HMGCLL1: variants seen among roughly 807,000 people sequenced by gnomAD.
The protein encoded by HMGCLL1 is 3-hydroxymethyl-3-methylglutaryl-CoA lyase, cytoplasmic.
In HMGCLL1, 36 loss-of-function variants were observed where a neutral mutation model predicts 39.1. The ratio of observed to expected loss-of-function variants is 0.92; its 90% CI spans 0.71 to 1.22. The LOEUF is 1.22. Among genes scored for constraint, HMGCLL1 ranks in the 50% most tolerant of loss-of-function variants. The pLI is 0.00. For missense variants in HMGCLL1, 451 were observed against 416.5 expected (o/e 1.08, Z -0.72); for synonymous variants, 149 against 144.0 (o/e 1.03, Z -0.25).
intron 1 of HMGCLL1, among the ~76,000 whole-genome samples, chr6:55,559,715 T>C (rs1294106181): frequency 6.6e-6 from 1 of 152,160 alleles, no homozygotes; most frequent in East Asian, 1.9e-4. Flanking sequence ...TTCTTCGATG[T>C]GCAGAGATTG....
intron 1 of HMGCLL1, among the ~76,000 whole-genome samples, chr6:55,544,547 C>T (rs1769846245): frequency 6.6e-6 from 1 of 152,058 alleles, no homozygotes; most frequent in South Asian, 2.1e-4. Context: ...TCAAGCCAAC[C>T]AGTTTATACT....
rs759419234 is a variant in HMGCLL1 at position 55,514,082 on chromosome 6, TAAC to T, written c.505_507del (p.Val169del). ...GGAATATTCATGTGTCTTGCAGACT[TAAC>T]AACCTCCTCAAATTTTCCCATACTT... On this transcript the variant is annotated inframe_deletion, in exon 5 of 9. Transcript: ENST00000274901. The T allele has an allele frequency of 1.5e-5, 24 of 1,613,166 alleles. No homozygotes were observed. In the South Asian group the frequency reaches 2.4e-4, roughly 16 times the overall value.
the HMGCLL1 span, among the ~76,000 whole-genome samples, chr6:55,591,578 T>A: frequency 1.3e-5 from 2 of 151,908 alleles, no homozygotes; most frequent in South Asian, 2.1e-4. Context: ...TTTCCCTTTT[T>A]TTCCCCTTGG....
At chr6:55,532,084 G>A (rs1257005462) in intron 3 of HMGCLL1, among the ~76,000 whole-genome samples, 1 of 152,024 alleles carries the variant, frequency 6.6e-6, no homozygotes, top group African/African-American at 2.4e-5. Flanking sequence ...AAAGCCTGGG[G>A]ACCTCTGAAG....
At chr6:55,533,939 T>C (rs967147247) in intron 3 of HMGCLL1, among the ~76,000 whole-genome samples, 1 of 147,328 alleles carries the variant, frequency 6.8e-6, no homozygotes, top group Non-Finnish European at 1.5e-5. Flanking sequence ...CAGTACAGAG[T>C]TAGGACTTTG....
At chr6:55,657,800 T>C in the HMGCLL1 span, among the ~76,000 whole-genome samples, 2 of 151,748 alleles carry the variant, frequency 1.3e-5, no homozygotes, top group South Asian at 2.1e-4. Flanking sequence ...AGCAAACTAA[T>C]ACAGGAACAG....
At chr6:55,535,708 G>A (rs1237070138) in intron 3 of HMGCLL1, among the ~76,000 whole-genome samples, 3 of 152,086 alleles carry the variant, frequency 2.0e-5, no homozygotes, top group Non-Finnish European at 4.4e-5. Flanking sequence ...ATTTCACCAG[G>A]AACCTCTTTG....
At chr6:55,602,971 A>T in the HMGCLL1 span, among the ~76,000 whole-genome samples, 1 of 152,074 alleles carries the variant, frequency 6.6e-6, no homozygotes, top group South Asian at 2.1e-4. Context: ...GTGGTGCTTG[A>T]GAATTTGGTT....
intron 1 of HMGCLL1, among the ~76,000 whole-genome samples, chr6:55,542,948 G>A (rs1769554922): frequency 3.6e-5 from 4 of 112,518 alleles, no homozygotes; most frequent in African/African-American, 1.5e-4. Context: ...ATTTATAAGT[G>A]TATATAAATA....
intron 7 of HMGCLL1, among the ~76,000 whole-genome samples, chr6:55,441,627 C>G (rs991944579): frequency 6.6e-6 from 1 of 152,024 alleles, no homozygotes; most frequent in Non-Finnish European, 1.5e-5. Context: ...GTATCCTTAG[C>G]CTCCTATGGG....
At chr6:55,633,996 TA>T in the HMGCLL1 span, among the ~76,000 whole-genome samples, 1 of 152,146 alleles carries the variant, frequency 6.6e-6, no homozygotes, top group African/African-American at 2.4e-5. Flanking sequence ...TTTGTATTCT[TA>T]TATCATATTA....
At chr6:55,441,908 C>T (rs1473794893) in intron 7 of HMGCLL1, among the ~76,000 whole-genome samples, 1 of 152,018 alleles carries the variant, frequency 6.6e-6, no homozygotes, top group Non-Finnish European at 1.5e-5. Context: ...CCAGGCTGGC[C>T]TCAAACTCCT....
the HMGCLL1 span, among the ~76,000 whole-genome samples, chr6:55,663,144 A>G: frequency 0.03 from 4,464 of 151,250 alleles, 234 homozygotes; most frequent in African/African-American, 0.1. Context: ...TGAACTCATT[A>G]ATCATTTTAA....
intron 1 of HMGCLL1, among the ~76,000 whole-genome samples, chr6:55,578,043 G>T (rs932491094): frequency 2.0e-5 from 3 of 152,180 alleles, no homozygotes; most frequent in Non-Finnish European, 4.4e-5. Flanking sequence ...TAGAATAGTT[G>T]ATTTAAATCC....
intron 1 of HMGCLL1, among the ~76,000 whole-genome samples, chr6:55,555,504 G>A (rs546298960): frequency 1.1e-4 from 17 of 152,252 alleles, no homozygotes; most frequent in South Asian, 2.1e-4. Context: ...CTTTGAGGGC[G>A]CTTCATTTTG....
intron 1 of HMGCLL1, among the ~76,000 whole-genome samples, chr6:55,549,461 G>A (rs144727428): frequency 0.02 from 3,010 of 151,222 alleles, 54 homozygotes; most frequent in South Asian, 0.094. Flanking sequence ...GATATGCCAA[G>A]TTTCCTCATG....
chr6:55,655,210 A>G, the HMGCLL1 span, among the ~76,000 whole-genome samples: 2 of 151,848 alleles, frequency 1.3e-5, no homozygotes, highest in African/African-American at 2.4e-5. Flanking sequence ...TACTTATTTC[A>G]TTTTAGTCGA....
chr6:55,669,937 A>G, the HMGCLL1 span, among the ~76,000 whole-genome samples: 2 of 151,876 alleles, frequency 1.3e-5, no homozygotes, highest in African/African-American at 2.4e-5. Context: ...AAAATGTGAA[A>G]AAGTAACAGC....
chr6:55,484,339 C>T (rs1241271501), intron 7 of HMGCLL1, among the ~76,000 whole-genome samples: 1 of 151,936 alleles, frequency 6.6e-6, no homozygotes, highest in East Asian at 1.9e-4. Flanking sequence ...AACTACTCTG[C>T]TCTGATCTCT....
Sources: gnomAD v4.1 joint callset for allele counts (sites outside exome capture counted in the v4.1 genomes callset) on GRCh38, gnomAD v4.1.1 for gene constraint, MANE v1.5 for transcripts, NCBI Gene and HGNC (gene_info 2026-07-23, HGNC 2026-07-21) for gene names.